Variants in BRD4 observed in about 807,000 individuals in gnomAD.
The protein encoded by BRD4 is bromodomain-containing protein 4.
A neutral mutation model predicts 142.1 loss-of-function variants in BRD4; 16 were observed. The ratio of observed to expected loss-of-function variants is 0.11; its 90% confidence interval spans 0.08 to 0.17. BRD4 has a LOEUF of 0.17. BRD4 is among the 10% of genes least tolerant of loss of function. The probability of loss-of-function intolerance (pLI) is 1.00; values close to 1 mark genes in which losing one functional copy is unlikely to be tolerated. For missense variants in BRD4, 1,424 were observed against 1,810.9 expected (o/e 0.79, Z 3.88); for synonymous variants, 833 against 707.5 (o/e 1.18, Z -2.82).
At chr19:15,313,068 C>CA (rs1360141114) in intron 1 of BRD4, among the ~76,000 whole-genome samples, 383 of 145,152 alleles carry the variant, frequency 2.6e-3, no homozygotes, top group African/African-American at 8.7e-3. Flanking sequence ...ACCCTGTCTT[C>CA]AAAAAAAAAA....
intron 1 of BRD4, among the ~76,000 whole-genome samples, chr19:15,314,238 C>G (rs903330140): frequency 1.3e-5 from 2 of 152,044 alleles, no homozygotes; most frequent in Admixed American, 1.3e-4. Context: ...AGGGTGTGGA[C>G]GCATAGAATG....
intron 1 of BRD4, among the ~76,000 whole-genome samples, chr19:15,287,844 A>C (rs895427598): frequency 2.0e-5 from 3 of 151,098 alleles, no homozygotes; most frequent in Admixed American, 2.0e-4. Context: ...ATCTAGGCTC[A>C]TTGCAACCTC....
chr19:15,292,922 ACT>A (rs1314911910), intron 1 of BRD4, among the ~76,000 whole-genome samples: 20 of 151,650 alleles, frequency 1.3e-4, no homozygotes, highest in African/African-American at 4.8e-4. Flanking sequence ...AAGGAGGGTA[ACT>A]CTGCTCACAC....
At chr19:15,283,168 A>G (rs1323830582) in intron 1 of BRD4, among the ~76,000 whole-genome samples, 2 of 152,136 alleles carry the variant, frequency 1.3e-5, no homozygotes, top group East Asian at 3.8e-4. Context: ...TACGGGGGAC[A>G]CACTTGGAGA....
rs2047510371 is a variant in BRD4 at position 15,264,593 on chromosome 19, GTGC to G, written c.1020_1022del (p.Gln340del). 1 of 1,614,054 alleles carries G rather than the reference GTGC, an allele frequency of 6.2e-7. No individual in the cohort carries two copies. Among genetic ancestry groups the G allele is most frequent in the African/African-American group, 1.3e-5 (1 of 74,922 alleles). ...CCTTGCTGCTCTTCTCTGGTGCTGG[GTGC>G]TGCTGAGAGTCGGGCACGTCCTTCT... On this transcript the variant is annotated inframe_deletion, in exon 6 of 20. Transcript: ENST00000679869.
At chr19:15,244,669 C>G in intron 12 of BRD4, 41 bp downstream of exon 12, 5 of 1,614,088 alleles carry the variant, frequency 3.1e-6, no homozygotes, top group Non-Finnish European at 4.2e-6. Context: ...GGGCCAGACC[C>G]AACGTCCCAC....
At chr19:15,315,356 CCTCA>C (rs2048007813) in intron 1 of BRD4, among the ~76,000 whole-genome samples, 1 of 152,128 alleles carries the variant, frequency 6.6e-6, no homozygotes, top group Non-Finnish European at 1.5e-5. Context: ...GAAACACCTG[CCTCA>C]CTCACTGTCA....
chr19:15,331,823 G>A (rs1261021121), intron 1 of BRD4: 2 of 148,434 alleles, frequency 1.3e-5, no homozygotes, highest in Non-Finnish European at 3.0e-5. Context: ...CCCCGCGCCA[G>A]GCCGGGACTT....
chr19:15,237,896 C>T lies in BRD4; in HGVS notation c.*481G>A. On this transcript the variant is annotated 3_prime_UTR_variant, in exon 20 of 20. Transcript: ENST00000679869. Reference sequence around the variant, plus strand: ...GGGGGTGGGCCGGCCTCGCCCGCCTCCAGCCCACGCAGGCCTGCCCTGGCC... The same window carrying T: ...GGGGGTGGGCCGGCCTCGCCCGCCTTCAGCCCACGCAGGCCTGCCCTGGCC... 4.2e-6 allele frequency: 1 copy of T among 238,588 alleles called. No individual in the cohort carries two copies. Among genetic ancestry groups the T allele is most frequent in the Non-Finnish European group, 8.2e-6 (1 of 121,652 alleles). 14.8% of individuals were successfully genotyped at this position (238,588 alleles called of 1,614,324 possible).
chr19:15,314,403 A>T (rs1336592752), intron 1 of BRD4, among the ~76,000 whole-genome samples: 1 of 152,204 alleles, frequency 6.6e-6, no homozygotes, highest in African/African-American at 2.4e-5. Context: ...AAAGCCCTTC[A>T]CCATTCCCCA....
chr19:15,305,488 T>C (rs1308216344), intron 1 of BRD4, among the ~76,000 whole-genome samples: 2 of 152,226 alleles, frequency 1.3e-5, no homozygotes, highest in African/African-American at 4.8e-5. Flanking sequence ...ACCAATGAGT[T>C]GTAATATTTT....
At chr19:15,286,566 T>A (rs2047741793) in intron 1 of BRD4, among the ~76,000 whole-genome samples, 1 of 152,196 alleles carries the variant, frequency 6.6e-6, no homozygotes, top group Non-Finnish European at 1.5e-5. Flanking sequence ...AAATACCATT[T>A]CGACATATAA....
intron 11 of BRD4, chr19:15,253,595 A>G (rs2047371839): frequency 1.3e-6 from 2 of 1,590,432 alleles, no homozygotes; most frequent in African/African-American, 2.7e-5. Context: ...CACTCTGGGG[A>G]GGGGTAGGCA....
intron 2 of BRD4, 107 bp downstream of exon 2, chr19:15,272,708 G>A (rs1157462511): frequency 9.2e-7 from 1 of 1,086,090 alleles, no homozygotes; most frequent in African/African-American, 1.6e-5. Flanking sequence ...CTCTCACCAT[G>A]ATTCCAAATG....
In BRD4 at chr19:15,244,302, G is replaced by C; in HGVS notation, c.2510C>G (p.Pro837Arg). Residue 837 changes from proline to arginine, a missense_variant, in exon 13 of 20, where the codon CCT becomes CGT. Pro to Arg is a moderately radical substitution (Grantham distance 103, BLOSUM62 -2). This residue lies in a region of BRD4 where 598 missense variants were observed against 647.8 expected (regional missense o/e 0.92). Transcript: ENST00000679869. ...ILHLPQPELP[P>R]HLPQPPEHST... ...GTGCTCAGGCGGCTGGGGCAGGTGA[G>C]GGGGCAGCTCAGGCTGCGGCAGGTG... 6.3e-7 allele frequency: 1 copy of C among 1,596,876 alleles called. No homozygotes were observed.
At chr19:15,265,892 C>G (rs1409317051) in intron 4 of BRD4, among the ~76,000 whole-genome samples, 1 of 152,132 alleles carries the variant, frequency 6.6e-6, no homozygotes, top group African/African-American at 2.4e-5. Flanking sequence ...GCACAAAGAC[C>G]CCTTCATGAA....
rs1288924710 is a variant in BRD4, at chr19:15,236,854, G to A, written c.*1523C>T. 1 of 188,608 alleles carries A rather than the reference G, an allele frequency of 5.3e-6. No homozygotes were observed. The highest frequency in any genetic ancestry group is 8.3e-5 in the East Asian group (1 of 12,074). 11.7% of individuals were successfully genotyped at this position (188,608 alleles called of 1,614,324 possible). On this transcript the variant is annotated 3_prime_UTR_variant, in exon 20 of 20. Coordinates refer to ENST00000679869, the MANE Select transcript of BRD4 (RefSeq NM_001379291.1). ...ACGCCAGCATTAAAAAAAGAGAGAT[G>A]TGTTTATTCCATGATCAGTACAGAC...
At chr19:15,287,532 C>T (rs2047749270) in intron 1 of BRD4, among the ~76,000 whole-genome samples, 1 of 151,680 alleles carries the variant, frequency 6.6e-6, no homozygotes, top group African/African-American at 2.4e-5. Flanking sequence ...GATGAGCCAC[C>T]ACAACTGGGC....
Position 15,273,033 on chromosome 19 carries a change from T to C in BRD4, c.67A>G (p.Thr23Ala), listed in dbSNP as rs2145625363. The C allele has an allele frequency of 1.2e-6, 2 of 1,613,552 alleles. No individual in the cohort carries two copies. The highest frequency in any genetic ancestry group is 2.2e-5 in the East Asian group (1 of 44,864). The change falls in exon 2 of 20, where the codon ACT (threonine) becomes GCT (alanine). Residue 23 changes from threonine (T) to alanine (A), a missense_variant. Thr to Ala is a moderately conservative substitution (Grantham distance 58). This residue lies in a region of BRD4 where 70 missense variants were observed against 69.8 expected (regional missense o/e 1.00). Coordinates refer to ENST00000679869, the MANE Select transcript of BRD4 (RefSeq NM_001379291.1). ...GCCTGTGTTGTAGACATTTGGGAAG[T>C]TTCTAGTCCATCCCCCATTACTGGC... is the stretch of plus-strand genomic sequence containing the variant. Reference protein sequence around the residue: ...NLPVMGDGLETSQMSTTQAQA... With the variant: ...NLPVMGDGLEASQMSTTQAQA...
Sources: gnomAD v4.1 joint callset for allele counts (sites outside exome capture counted in the v4.1 genomes callset) on GRCh38, gnomAD v4.1.1 for gene constraint, gnomAD v4.1.1 regional missense constraint, MANE v1.5 for transcripts, NCBI Gene and HGNC (gene_info 2026-07-23, HGNC 2026-07-21) for gene names.